Variants in WDPCP observed in about 807,000 individuals in gnomAD.
The protein encoded by WDPCP is WD repeat-containing and planar cell polarity effector protein fritz homolog.
A neutral mutation model predicts 93.1 loss-of-function variants in WDPCP; 71 were observed. The observed-to-expected ratio is 0.76, with a 90% CI of 0.63 to 0.93. The LOEUF (loss-of-function observed/expected upper bound fraction) is 0.93, where lower values mean the gene tolerates loss of function less well. Among genes scored for constraint, WDPCP ranks in the 40% least tolerant of loss-of-function variants. The pLI is 0.00. For synonymous variants in WDPCP, 315 were observed against 315.0 expected (o/e 1.00, Z 0.00); for missense variants, 844 against 887.4 (o/e 0.95, Z 0.62).
rs896455717 is a variant in WDPCP, at chr2:63,567,187, G to A, written c.75+21010C>T. Reference sequence around the variant, plus strand: ...AATAATTAAATCTCTGGACATTGCTGACTGAACTCAACCTCTAGCCCCTCT... The same window carrying A: ...AATAATTAAATCTCTGGACATTGCTAACTGAACTCAACCTCTAGCCCCTCT... On this transcript the variant is annotated intron_variant, in intron 1 of 17. Transcript: ENST00000272321. Among the ~76,000 whole-genome samples the A allele has an allele frequency of 4.6e-5, 7 of 152,136 alleles. No individual in the cohort carries two copies. In the East Asian group the frequency reaches 7.7e-4, roughly 17 times the overall value.
intron 14 of WDPCP, among the ~76,000 whole-genome samples, chr2:63,252,381 G>C (rs191620643): frequency 3.3e-3 from 497 of 152,234 alleles, no homozygotes; most frequent in Non-Finnish European, 4.9e-3. Flanking sequence ...ATAAGACAAA[G>C]ATGCCCACAC....
chr2:63,655,846 G>T (rs1167453171), intron 2 of WDPCP, among the ~76,000 whole-genome samples: 1 of 152,114 alleles, frequency 6.6e-6, no homozygotes, highest in Non-Finnish European at 1.5e-5. Context: ...CCTTACAGTT[G>T]TACAGTATTC....
rs1364998829 is a variant in WDPCP at position 63,484,597 on chromosome 2, A to AT, written c.384+6dup. 6.2e-7 allele frequency: 1 copy of AT among 1,612,778 alleles called. No individual in the cohort carries two copies. Among genetic ancestry groups the AT allele is most frequent in the East Asian group, 2.2e-5 (1 of 44,856 alleles). ...AAACACTGCAAAGGCTTGTCAAATC[A>AT]TTTTACCTGACAGACATATTTGTTC... On this transcript the variant is annotated splice_region_variant and intron_variant, in intron 6 of 17. Transcript: ENST00000272321.
At chr2:63,681,021 C>A (rs894368423) in intron 2 of WDPCP, among the ~76,000 whole-genome samples, 1 of 152,092 alleles carries the variant, frequency 6.6e-6, no homozygotes, top group Non-Finnish European at 1.5e-5. Context: ...AAACCTTGGG[C>A]CCTGAAACCA....
At chr2:63,143,021 G>T (rs1300592897) in intron 17 of WDPCP, among the ~76,000 whole-genome samples, 3 of 151,768 alleles carry the variant, frequency 2.0e-5, no homozygotes, top group African/African-American at 7.3e-5. Context: ...TGCGATCTTG[G>T]CTCACTACAC....
At chr2:63,200,295 A>C (rs1675802446) in intron 14 of WDPCP, among the ~76,000 whole-genome samples, 1 of 152,072 alleles carries the variant, frequency 6.6e-6, no homozygotes, top group Non-Finnish European at 1.5e-5. Flanking sequence ...TCCTCAAAAA[A>C]CTAAAAATAG....
intron 2 of WDPCP, among the ~76,000 whole-genome samples, chr2:63,751,016 C>T (rs940104846): frequency 6.6e-6 from 1 of 152,064 alleles, no homozygotes; most frequent in Non-Finnish European, 1.5e-5. Context: ...TTCCCTCCTT[C>T]TGTTTTTTAT....
upstream of WDPCP, among the ~76,000 whole-genome samples, chr2:63,830,449 G>A (rs1671175552): frequency 1.3e-5 from 2 of 152,016 alleles, no homozygotes; most frequent in Non-Finnish European, 2.9e-5. Context: ...ATCCCTAAAT[G>A]TTTTGTTTGT....
chr2:63,559,977 TCACAG>T (rs1706464766), intron 1 of WDPCP, among the ~76,000 whole-genome samples: 1 of 152,128 alleles, frequency 6.6e-6, no homozygotes, highest in Admixed American at 6.5e-5. Context: ...ACACCTGTAA[TCACAG>T]CACTTTGGGA....
chr2:63,522,485 C>CACACACACAT (rs2106169741), intron 1 of WDPCP, among the ~76,000 whole-genome samples: 1 of 151,470 alleles, frequency 6.6e-6, no homozygotes, highest in Non-Finnish European at 1.5e-5. Context: ...CACACACACA[C>CACACACACAT]ACACACACAC....
intron 3 of WDPCP, among the ~76,000 whole-genome samples, chr2:63,621,327 C>G (rs1200648052): frequency 1.3e-5 from 2 of 151,790 alleles, no homozygotes; most frequent in Non-Finnish European, 2.9e-5. Flanking sequence ...TAGAGAAGAA[C>G]ATAAATGACA....
chr2:63,780,387 G>C (rs532640770), intron 2 of WDPCP, among the ~76,000 whole-genome samples: 1 of 152,164 alleles, frequency 6.6e-6, no homozygotes, highest in Non-Finnish European at 1.5e-5. Flanking sequence ...AAGGGTTCTC[G>C]TGCAGGTCTT....
intron 1 of WDPCP, among the ~76,000 whole-genome samples, chr2:63,500,222 G>T (rs1261115810): frequency 6.6e-6 from 1 of 152,198 alleles, no homozygotes; most frequent in Non-Finnish European, 1.5e-5. Flanking sequence ...ACAAGGAAAT[G>T]CTCTGGGTAG....
At chr2:63,166,200 G>A (rs1347513600) in intron 15 of WDPCP, among the ~76,000 whole-genome samples, 5 of 151,778 alleles carry the variant, frequency 3.3e-5, no homozygotes, top group African/African-American at 1.2e-4. Flanking sequence ...CCAAGTAGCT[G>A]GGACTACAGG....
At chr2:63,427,188 A>G (rs924063355) in intron 9 of WDPCP, among the ~76,000 whole-genome samples, 1 of 152,180 alleles carries the variant, frequency 6.6e-6, no homozygotes, top group Admixed American at 6.5e-5. Flanking sequence ...CAAGGCAGAA[A>G]ATTAAAAATG....
chr2:63,309,276 T>C (rs1334060190), intron 13 of WDPCP, among the ~76,000 whole-genome samples: 1 of 152,202 alleles, frequency 6.6e-6, no homozygotes, highest in Non-Finnish European at 1.5e-5. Flanking sequence ...AAAGATGGCA[T>C]ATACTGATGC....
exon 3 of WDPCP, chr2:63,650,674 T>C (rs1279600825): frequency 6.6e-6 from 1 of 152,228 alleles, no homozygotes; most frequent in African/African-American, 2.4e-5. Context: ...ATAGTGATCC[T>C]TGGGCAATCT....
intron 3 of WDPCP, among the ~76,000 whole-genome samples, chr2:63,601,945 G>A (rs2106620469): frequency 6.6e-6 from 1 of 152,176 alleles, no homozygotes; most frequent in South Asian, 2.1e-4. Flanking sequence ...TCTGGTCATG[G>A]CAGACGTAAA....
chr2:63,547,536 TAAAG>T (rs1225346940), intron 1 of WDPCP, among the ~76,000 whole-genome samples: 1 of 146,266 alleles, frequency 6.8e-6, no homozygotes, highest in Non-Finnish European at 1.5e-5. Flanking sequence ...GATAAACAGA[TAAAG>T]AAAATGTGGT....
Sources: allele counts gnomAD v4.1 joint callset (sites outside exome capture counted in the v4.1 genomes callset), GRCh38; gene constraint gnomAD v4.1.1; transcripts MANE v1.5; gene names NCBI Gene and HGNC (gene_info 2026-07-23, HGNC 2026-07-21).